Variants in ADAM18 observed in about 807,000 individuals in gnomAD.
ADAM18 encodes the protein ADAM metallopeptidase domain 18.
A neutral mutation model predicts 94.4 loss-of-function variants in ADAM18; 117 were observed. The ratio of observed to expected loss-of-function variants is 1.24; its 90% CI spans 1.07 to 1.45. ADAM18 has a LOEUF of 1.45. Ranked by LOEUF, ADAM18 falls within the 40% of genes most tolerant of loss-of-function variation. The pLI is 0.00. For missense variants in ADAM18, 936 were observed against 880.0 expected (o/e 1.06, Z -0.81); for synonymous variants, 327 against 291.6 (o/e 1.12, Z -1.24).
intron 7 of ADAM18, 65 bp downstream of exon 7, chr8:39,629,504 T>G: frequency 9.6e-7 from 1 of 1,041,796 alleles, no homozygotes; most frequent in South Asian, 1.6e-5. Flanking sequence ...AGAACTTTCC[T>G]TCTTGCATTC....
At chr8:39,584,757 T>G (rs1220233295) in intron 1 of ADAM18, 80 bp downstream of exon 1, 1 of 1,509,056 alleles carries the variant, frequency 6.6e-7, no homozygotes, top group Non-Finnish European at 9.1e-7. Context: ...TTCTTGTCAT[T>G]CTGGGACCCT....
At position 39,589,867 on chromosome 8, in the gene ADAM18, A is replaced by G. The variant is rs1182090104; in HGVS notation, c.132+4515A>G. Among the ~76,000 whole-genome samples, 5 of 151,984 alleles carry G rather than the reference A, an allele frequency of 3.3e-5. No individual in the cohort carries two copies. The East Asian group carries it at 5.8e-4, about 18-fold the overall frequency. The stretch of plus-strand genomic sequence containing the variant: ...CATCACTGGCCATCAGAGAAATGCA[A>G]ATCAAAACCACAATGAGATACCATC... On this transcript the variant is annotated intron_variant, in intron 2 of 19. Coordinates refer to ENST00000265707, the MANE Select transcript of ADAM18 (RefSeq NM_014237.3).
chr8:39,617,933 A>G lies in ADAM18; in HGVS notation c.522+7227A>G, dbSNP rs1016598419. 5.9e-5 allele frequency among the ~76,000 whole-genome samples: 9 copies of G among 152,078 alleles called. No homozygotes were observed. The South Asian group carries it at 8.3e-4, about 14-fold the overall frequency. ...GTACATTAAACCCCTGTGACATGCA[A>G]TTTACCTATGTATCAAACCAGCACT... On this transcript the variant is annotated intron_variant, in intron 6 of 19. Coordinates refer to ENST00000265707, the MANE Select transcript of ADAM18 (RefSeq NM_014237.3).
intron 12 of ADAM18, among the ~76,000 whole-genome samples, chr8:39,651,636 G>A (rs895476874): frequency 2.8e-4 from 23 of 81,584 alleles, no homozygotes; most frequent in African/African-American, 6.3e-4. Context: ...TTGGGGGTAG[G>A]GTTACAGATT....
At chr8:39,611,328 TGG>T (rs1819265207) in intron 6 of ADAM18, 1 of 617,140 alleles carries the variant, frequency 1.6e-6, no homozygotes, top group Non-Finnish European at 2.0e-6. Flanking sequence ...TTTCTATGAA[TGG>T]ATCTCTTTGT....
chr8:39,617,999 A>T (rs189183443), intron 6 of ADAM18, among the ~76,000 whole-genome samples: 1 of 152,326 alleles, frequency 6.6e-6, no homozygotes, highest in Admixed American at 6.5e-5. Context: ...GAAATGAATA[A>T]AGTTAATAAA....
intron 16 of ADAM18, among the ~76,000 whole-genome samples, chr8:39,686,017 A>C (rs1485364114): frequency 6.6e-6 from 1 of 152,162 alleles, no homozygotes; most frequent in African/African-American, 2.4e-5. Context: ...TGCTCTGATC[A>C]CAACCAGCTA....
intron 2 of ADAM18, among the ~76,000 whole-genome samples, chr8:39,598,458 A>G (rs992696304): frequency 6.6e-6 from 1 of 151,928 alleles, no homozygotes; most frequent in African/African-American, 2.4e-5. Context: ...TTTTATCGCC[A>G]TCGTTATTAT....
rs1157761603 is a variant in ADAM18, at chr8:39,723,811, G to A, written c.2081G>A (p.Cys694Tyr). Residue 694 changes from cysteine (C) to tyrosine (Y), a missense_variant, in exon 19 of 20, where the codon TGC becomes TAC. Coordinates refer to ENST00000265707, the MANE Select transcript of ADAM18 (RefSeq NM_014237.3). ...HWNNWFILSF[C>Y]IFLPFFIVFT... Reference sequence around the variant, plus strand: ...AACAACTGGTTTATTCTGAGTTTCTGCATTTTTCTGCCGTTTTTCATAGTT... The same window carrying A: ...AACAACTGGTTTATTCTGAGTTTCTACATTTTTCTGCCGTTTTTCATAGTT... 1 of 1,586,022 alleles carries A rather than the reference G, an allele frequency of 6.3e-7. No individual in the cohort carries two copies.
At chr8:39,658,870 T>C (rs889822672) in intron 12 of ADAM18, among the ~76,000 whole-genome samples, 2 of 152,148 alleles carry the variant, frequency 1.3e-5, no homozygotes, top group African/African-American at 2.4e-5. Context: ...AACCTGAATG[T>C]TGGAGGGCAG....
chr8:39,618,725 G>A (rs958837340), intron 6 of ADAM18, among the ~76,000 whole-genome samples: 1 of 152,096 alleles, frequency 6.6e-6, no homozygotes, highest in Non-Finnish European at 1.5e-5. Flanking sequence ...ATGGACAGGT[G>A]CCCCCCATGT....
rs577696856 is a variant in ADAM18 at position 39,678,532 on chromosome 8, G to A, written c.1631+996G>A. On this transcript the variant is annotated intron_variant, in intron 15 of 19. Coordinates refer to ENST00000265707, the MANE Select transcript of ADAM18 (RefSeq NM_014237.3). ...GAGTGGGGATCTCAGGAGGAGACCC[G>A]GCATAATCAGCCACACCTATTGGAT... Among the ~76,000 whole-genome samples, 53 of 151,944 alleles carry A rather than the reference G, an allele frequency of 3.5e-4. 1 individual carries two copies. Among genetic ancestry groups the A allele is most frequent in the Non-Finnish European group, 7.4e-4 (50 of 67,980 alleles).
rs146767344 is a variant in ADAM18, at chr8:39,680,162, C to T, written c.1757C>T (p.Ser586Phe). ...HVCVSIATGSSMRSDGTDNAY... is the reference protein window; with the variant it reads ...HVCVSIATGSFMRSDGTDNAY... ...TGTGTATCTATAGCCACTGGTTCCT[C>T]CATGAGATCAGATGGAACAGACAAT... The change falls in exon 16 of 20, where the codon TCC (serine) becomes TTC (phenylalanine). Residue 586 changes from serine to phenylalanine, a missense_variant. Coordinates refer to ENST00000265707, the MANE Select transcript of ADAM18 (RefSeq NM_014237.3). The T allele has an allele frequency of 6.2e-7, 1 of 1,613,770 alleles. No homozygotes were observed. Among genetic ancestry groups the T allele is most frequent in the African/African-American group, 1.3e-5 (1 of 75,018 alleles).
rs188566827 is a variant in ADAM18 at position 39,592,273 on chromosome 8, G to T, written c.132+6921G>T. Among the ~76,000 whole-genome samples the T allele has an allele frequency of 2.0e-5, 3 of 152,266 alleles. No individual in the cohort carries two copies. In the East Asian group the frequency reaches 5.8e-4, roughly 29 times the overall value. The stretch of plus-strand genomic sequence containing the variant: ...GACATTAAGATTGGGTAGAATGATA[G>T]TTCTATTTTTAGTTTTTTGATGTTT... On this transcript the variant is annotated intron_variant, in intron 2 of 19. Transcript: ENST00000265707.
chr8:39,602,823 T>C (rs1171033492), intron 2 of ADAM18, among the ~76,000 whole-genome samples: 2 of 152,194 alleles, frequency 1.3e-5, no homozygotes, highest in Admixed American at 6.5e-5. Flanking sequence ...ACTTGTATTT[T>C]TTTTCTCCTG....
At chr8:39,639,238 C>G (rs1820169769) in intron 10 of ADAM18, among the ~76,000 whole-genome samples, 1 of 151,944 alleles carries the variant, frequency 6.6e-6, no homozygotes, top group Non-Finnish European at 1.5e-5. Flanking sequence ...ATCAACACTT[C>G]AGAAGGTACT....
At chr8:39,650,710 C>T (rs567104190) in intron 12 of ADAM18, among the ~76,000 whole-genome samples, 1 of 152,300 alleles carries the variant, frequency 6.6e-6, no homozygotes, top group East Asian at 1.9e-4. Context: ...TCTATAGTGG[C>T]TAAAGTGATC....
At chr8:39,598,344 C>G (rs1818801053) in intron 2 of ADAM18, among the ~76,000 whole-genome samples, 1 of 151,802 alleles carries the variant, frequency 6.6e-6, no homozygotes, top group Non-Finnish European at 1.5e-5. Flanking sequence ...ATGAAAGGGT[C>G]TAGTTTTTCA....
At chr8:39,677,953 T>G (rs574112286) in intron 15 of ADAM18, among the ~76,000 whole-genome samples, 42 of 152,224 alleles carry the variant, frequency 2.8e-4, no homozygotes, top group Non-Finnish European at 5.0e-4. Flanking sequence ...CATCAATATG[T>G]AAAGCATGGA....
Sources: gnomAD v4.1 joint callset for allele counts (sites outside exome capture counted in the v4.1 genomes callset) on GRCh38, gnomAD v4.1.1 for gene constraint, MANE v1.5 for transcripts, NCBI Gene and HGNC (gene_info 2026-07-23, HGNC 2026-07-21) for gene names.